The following PIK3C3 variants were observed in gnomAD, a reference collection of about 807,000 sequenced individuals.
The protein encoded by PIK3C3 is PI3-kinase type 3.
A neutral mutation model predicts 126.1 loss-of-function variants in PIK3C3; 95 were observed. That is an observed-to-expected ratio of 0.75 (90% CI 0.64 to 0.89). The LOEUF (loss-of-function observed/expected upper bound fraction) is 0.89. Ranked by LOEUF, PIK3C3 falls within the 40% of genes least tolerant of loss-of-function variation. The pLI, the probability that PIK3C3 is intolerant of heterozygous loss-of-function variation, is 0.00. For missense variants in PIK3C3, 829 were observed against 1,063.2 expected (o/e 0.78, Z 3.06); for synonymous variants, 374 against 360.0 (o/e 1.04, Z -0.44).
At chr18:42,068,593 T>G (rs777485648) in intron 24 of PIK3C3, among the ~76,000 whole-genome samples, 1 of 152,202 alleles carries the variant, frequency 6.6e-6, no homozygotes, top group Non-Finnish European at 1.5e-5. Context: ...GCTTTCTTTT[T>G]TTCCTTCCCC....
chr18:42,039,942 C>T (rs757281186), intron 18 of PIK3C3, among the ~76,000 whole-genome samples: 7 of 152,134 alleles, frequency 4.6e-5, no homozygotes, highest in Non-Finnish European at 8.8e-5. Flanking sequence ...TGAGATATTT[C>T]TTATTCTACA....
chr18:42,058,103 T>C, intron 22 of PIK3C3, 52 bp downstream of exon 22: 4 of 1,456,300 alleles, frequency 2.7e-6, no homozygotes, highest in Non-Finnish European at 3.7e-6. Flanking sequence ...TTTTATTTTA[T>C]AGAACAAGAG....
chr18:41,972,622 C>T (rs1942151), intron 4 of PIK3C3, among the ~76,000 whole-genome samples: 33,929 of 151,844 alleles, frequency 0.22, 4,267 homozygotes, highest in South Asian at 0.4. Context: ...CTGAGCTTGC[C>T]GTGCTGTGAC....
At chr18:42,068,743 G>T (rs1985646421) in intron 24 of PIK3C3, among the ~76,000 whole-genome samples, 1 of 152,054 alleles carries the variant, frequency 6.6e-6, no homozygotes, top group African/African-American at 2.4e-5. Context: ...GAGATCAGGA[G>T]ATCGAGACCA....
chr18:42,074,430 A>G (rs1320948052), intron 24 of PIK3C3, among the ~76,000 whole-genome samples: 2 of 152,136 alleles, frequency 1.3e-5, no homozygotes, highest in African/African-American at 4.8e-5. Flanking sequence ...AAAATAAACT[A>G]TATCTTAATT....
intron 9 of PIK3C3, among the ~76,000 whole-genome samples, chr18:42,002,174 A>G (rs1009138337): frequency 2.6e-5 from 4 of 152,216 alleles, no homozygotes; most frequent in Non-Finnish European, 5.9e-5. Flanking sequence ...TAAAACTTTC[A>G]ACAAGATGAC....
At position 41,962,606 on chromosome 18, in the gene PIK3C3, A is replaced by G. The variant is rs779874326; in HGVS notation, c.375A>G (p.Thr125=). ...GPGKAVPVGG[T]TVSLFGKYGM... ...GAAAAGCAGTGCCTGTAGGAGGAAC[A>G]ACGGTTTCGCTCTTTGGAAAATACG... The change falls in exon 3 of 25, where the codon ACA becomes ACG. Residue 125 remains threonine (T), a synonymous_variant. Coordinates refer to ENST00000262039, the MANE Select transcript of PIK3C3 (RefSeq NM_002647.4). The G allele has an allele frequency of 6.2e-7, 1 of 1,611,780 alleles. No homozygotes were observed. The highest frequency in any genetic ancestry group is 1.1e-5 in the South Asian group (1 of 90,834).
intron 19 of PIK3C3, among the ~76,000 whole-genome samples, chr18:42,042,380 C>T (rs987561030): frequency 6.6e-6 from 1 of 152,176 alleles, no homozygotes; most frequent in South Asian, 2.1e-4. Context: ...CTGTAACAAA[C>T]CTTAGTCATG....
chr18:42,076,733 C>T (rs1568014251), intron 24 of PIK3C3, among the ~76,000 whole-genome samples: 1 of 152,198 alleles, frequency 6.6e-6, no homozygotes, highest in Non-Finnish European at 1.5e-5. Context: ...CAGTTTATTT[C>T]TCATTCATAC....
intron 24 of PIK3C3, among the ~76,000 whole-genome samples, chr18:42,073,964 T>G (rs1019767041): frequency 6.6e-6 from 1 of 152,170 alleles, no homozygotes; most frequent in African/African-American, 2.4e-5. Context: ...AGAGTATGTA[T>G]AAAAACATTT....
At chr18:42,037,625 G>C in intron 16 of PIK3C3, 67 bp from the exon 17 acceptor site, 1 of 1,372,458 alleles carries the variant, frequency 7.3e-7, no homozygotes, top group African/African-American at 1.4e-5. Context: ...ACATTTTCTT[G>C]TATGTATAGT....
chr18:41,995,288 A>G (rs2144362807), intron 7 of PIK3C3, among the ~76,000 whole-genome samples: 1 of 152,252 alleles, frequency 6.6e-6, no homozygotes, highest in South Asian at 2.1e-4. Context: ...AAGGACCATA[A>G]AGCCATTAAA....
Position 42,064,676 on chromosome 18 carries a change from A to G in PIK3C3, c.2433-64A>G, listed in dbSNP as rs190896376. On this transcript the variant is annotated intron_variant, in intron 22 of 24. Coordinates refer to ENST00000262039, the MANE Select transcript of PIK3C3 (RefSeq NM_002647.4). Reference sequence around the variant, plus strand: ...GTACCACTACTTCTAAAGTATTCTTAATATGAGAAAGAAATGCAGAATTCT... The same window carrying G: ...GTACCACTACTTCTAAAGTATTCTTGATATGAGAAAGAAATGCAGAATTCT... The G allele has an allele frequency of 3.9e-5, 30 of 776,836 alleles. No individual in the cohort carries two copies. The African/African-American group carries it at 4.6e-4, about 12-fold the overall frequency. 48.1% of individuals were successfully genotyped at this position (776,836 alleles called of 1,614,324 possible).
Position 41,992,335 on chromosome 18 carries a change from C to T in PIK3C3, c.715-935C>T, listed in dbSNP as rs558044733. Among the ~76,000 whole-genome samples, 3 of 152,278 alleles carry T rather than the reference C, an allele frequency of 2.0e-5. No individual in the cohort carries two copies. In the East Asian group the frequency reaches 5.8e-4, roughly 29 times the overall value. On this transcript the variant is annotated intron_variant, in intron 6 of 24. Coordinates refer to ENST00000262039, the MANE Select transcript of PIK3C3 (RefSeq NM_002647.4). ...TGTTTTCTGGTGTTGTGACTGAGAA[C>T]AAGCCTGTTAAACAACGGCTGTGGG...
At chr18:42,024,781 G>C (rs1009646809) in intron 13 of PIK3C3, among the ~76,000 whole-genome samples, 1 of 151,036 alleles carries the variant, frequency 6.6e-6, no homozygotes, top group African/African-American at 2.4e-5. Flanking sequence ...TGCTTATTAT[G>C]AGCATCAACA....
At chr18:41,997,169 G>A (rs759378516) in intron 9 of PIK3C3, among the ~76,000 whole-genome samples, 1 of 152,024 alleles carries the variant, frequency 6.6e-6, no homozygotes, top group Non-Finnish European at 1.5e-5. Flanking sequence ...TTTGAACCTG[G>A]GTGACTAGGA....
intron 24 of PIK3C3, among the ~76,000 whole-genome samples, chr18:42,072,016 G>A (rs1320148063): frequency 1.3e-5 from 2 of 152,120 alleles, no homozygotes; most frequent in Admixed American, 1.3e-4. Context: ...TAAAAGCATA[G>A]TTGTTTCTTA....
intron 4 of PIK3C3, chr18:41,971,462 A>G (rs1980663522): frequency 6.6e-6 from 1 of 152,146 alleles, no homozygotes; most frequent in Admixed American, 6.6e-5. Flanking sequence ...TAGCAACCTG[A>G]TAACTATATT....
At chr18:42,010,256 T>C (rs933073159) in intron 10 of PIK3C3, among the ~76,000 whole-genome samples, 4 of 152,212 alleles carry the variant, frequency 2.6e-5, no homozygotes, top group African/African-American at 9.6e-5. Flanking sequence ...TCTTCATCTG[T>C]TCAAGTTTTA....
Sources: allele counts gnomAD v4.1 joint callset (sites outside exome capture counted in the v4.1 genomes callset), GRCh38; gene constraint gnomAD v4.1.1; transcripts MANE v1.5; gene names NCBI Gene and HGNC (gene_info 2026-07-23, HGNC 2026-07-21).